The following FREM1 variants were observed in gnomAD, a reference collection of about 807,000 sequenced individuals.
FREM1 encodes FRAS1-related extracellular matrix protein 1.
In FREM1, 220 loss-of-function variants were observed where a neutral mutation model predicts 210.1. The ratio of observed to expected loss-of-function variants is 1.05; its 90% CI spans 0.94 to 1.17. FREM1 has a LOEUF of 1.17. Among genes scored for constraint, FREM1 ranks in the 50% most tolerant of loss-of-function variants. The pLI is 0.00. For synonymous variants in FREM1, 1,189 were observed against 980.2 expected, an observed-to-expected ratio of 1.21 and a Z score of -3.98; for missense variants, 3,454 against 2,675.5, an observed-to-expected ratio of 1.29 and a Z score of -6.42.
At chr9:14,846,670 A>AT (rs1826678426) in intron 7 of FREM1, among the ~76,000 whole-genome samples, 1 of 152,184 alleles carries the variant, frequency 6.6e-6, no homozygotes, top group African/African-American at 2.4e-5. Context: ...TGTAGCTTTT[A>AT]TTTTTAGTAC....
Position 14,748,405 on chromosome 9 carries a change from T to G in FREM1, c.5792A>C (p.Lys1931Thr). The G allele has an allele frequency of 2.5e-6, 4 of 1,589,122 alleles. No individual in the cohort carries two copies. Among genetic ancestry groups the G allele is most frequent in the Non-Finnish European group, 3.5e-6 (4 of 1,157,730 alleles). The change falls in exon 31 of 37, where the codon AAA becomes ACA. Residue 1931 changes from lysine to threonine, a missense_variant. Transcript: ENST00000380880. ...CCAGAAGGTCCCCATCCTTACTGTT[T>G]TGCCATTCCCACGGGTCCTAAGCTT... ...QRKLRTRGNGKTVRPSSVYRN... is the reference protein window; with the variant it reads ...QRKLRTRGNGTTVRPSSVYRN...
intron 22 of FREM1, among the ~76,000 whole-genome samples, chr9:14,791,600 C>A (rs972946278): frequency 1.3e-5 from 2 of 152,156 alleles, no homozygotes; most frequent in African/African-American, 4.8e-5. Flanking sequence ...GGAGGTGGGA[C>A]TGCAGTGGGA....
In FREM1 at chr9:14,784,530, C is replaced by G; in HGVS notation, c.4282G>C (p.Glu1428Gln). ...LAVDGTDKPE[E>Q]LLYVITSPPR... ...GGGGAGGTGATGACATAGAGCAGTT[C>G]CTCAGGCTTGTCTGTTCCGTCCACA... Residue 1428 changes from glutamate to glutamine, a missense_variant, in exon 24 of 37, where the codon GAA becomes CAA. Transcript: ENST00000380880. 1 of 1,613,748 alleles carries G rather than the reference C, an allele frequency of 6.2e-7. No homozygotes were observed. Among genetic ancestry groups the G allele is most frequent in the African/African-American group, 1.3e-5 (1 of 75,034 alleles).
At chr9:14,765,481 A>T (rs990638352) in intron 27 of FREM1, among the ~76,000 whole-genome samples, 1 of 152,216 alleles carries the variant, frequency 6.6e-6, no homozygotes, top group Non-Finnish European at 1.5e-5. Context: ...ATTAGTTAGT[A>T]TGTATAAAGC....
rs1255263125 is a variant in FREM1 at position 14,836,833 on chromosome 9, C to G, written c.1881+4614G>C. Among the ~76,000 whole-genome samples the G allele has an allele frequency of 6.6e-6, 1 of 152,084 alleles. No individual in the cohort carries two copies. The highest frequency in any genetic ancestry group is 1.5e-5 in the Non-Finnish European group (1 of 68,024). ...GGAAGTAGCCAGAAAGAGTCTTCGCCCAAAACCCCCTAACTGCAGTTAGTG... is the reference window on the plus strand; with the variant it reads ...GGAAGTAGCCAGAAAGAGTCTTCGCGCAAAACCCCCTAACTGCAGTTAGTG... On this transcript the variant is annotated intron_variant, in intron 10 of 36. Coordinates refer to ENST00000380880, the MANE Select transcript of FREM1 (RefSeq NM_001379081.2). This position sits in a 1 kb window ranked among gnomAD's most constrained non-coding sequence, Gnocchi z 4.9.
chr9:14,768,382 C>T (rs374140146), intron 27 of FREM1, among the ~76,000 whole-genome samples: 1 of 143,176 alleles, frequency 7.0e-6, no homozygotes, highest in African/African-American at 2.6e-5. Context: ...ATTGCAAGTA[C>T]TTGACATATT....
At chr9:14,809,895 T>C (rs1230251509) in intron 16 of FREM1, among the ~76,000 whole-genome samples, 1 of 152,096 alleles carries the variant, frequency 6.6e-6, no homozygotes, top group African/African-American at 2.4e-5. Flanking sequence ...TGTATGTATG[T>C]ATGTATGTAT....
At position 14,792,972 on chromosome 9, in the gene FREM1, A is replaced by G; in HGVS notation, c.3840-88T>C. 5 of 757,226 alleles carry G rather than the reference A, an allele frequency of 6.6e-6. No homozygotes were observed. The South Asian group carries it at 1.2e-4, about 18-fold the overall frequency. 46.9% of individuals were successfully genotyped at this position (757,226 alleles called of 1,614,324 possible). On this transcript the variant is annotated intron_variant, in intron 21 of 36. Transcript: ENST00000380880. ...CTTATATTGACTATCACAGTTCCCA[A>G]TCTTCAACAATTAAGGAATGACATT...
chr9:14,891,787 G>C (rs781466810), intron 1 of FREM1, among the ~76,000 whole-genome samples: 40 of 152,284 alleles, frequency 2.6e-4, no homozygotes, highest in Admixed American at 1.4e-3. Context: ...CATAGTCAAA[G>C]AATCAACAAG....
At chr9:14,804,465 G>T (rs1398031396) in intron 19 of FREM1, among the ~76,000 whole-genome samples, 1 of 152,176 alleles carries the variant, frequency 6.6e-6, no homozygotes, top group Non-Finnish European at 1.5e-5. Flanking sequence ...GGCACCTGCA[G>T]TCCCAGCTAC....
At chr9:14,861,302 CACAT>C (rs1181838767) in intron 3 of FREM1, among the ~76,000 whole-genome samples, 1 of 109,786 alleles carries the variant, frequency 9.1e-6, no homozygotes. Flanking sequence ...TACATATATA[CACAT>C]ATATACATAT....
chr9:14,752,937 G>A (rs1044147641), intron 29 of FREM1, among the ~76,000 whole-genome samples: 3 of 152,202 alleles, frequency 2.0e-5, no homozygotes, highest in South Asian at 2.1e-4. Context: ...AGGGGTTGGA[G>A]AAAATATCTT....
intron 15 of FREM1, among the ~76,000 whole-genome samples, 177 bp downstream of exon 15, chr9:14,816,601 G>A (rs1820351238): frequency 6.6e-6 from 1 of 152,072 alleles, no homozygotes; most frequent in Admixed American, 6.6e-5. Context: ...CCATCATAGG[G>A]TGATGCAGCA....
intron 24 of FREM1, chr9:14,782,240 T>C (rs1246150059): frequency 1.5e-5 from 5 of 341,188 alleles, no homozygotes; most frequent in Non-Finnish European, 2.1e-5. Context: ...TAGAAATTCC[T>C]GGGATAAATG....
chr9:14,859,747 T>A (rs1206502153), intron 3 of FREM1, among the ~76,000 whole-genome samples: 16 of 152,254 alleles, frequency 1.1e-4, no homozygotes, highest in Admixed American at 1.0e-3. Flanking sequence ...TGCACGTGGA[T>A]ATTTAATGAC....
At chr9:14,880,003 G>A (rs1834504437) in intron 1 of FREM1, among the ~76,000 whole-genome samples, 1 of 152,156 alleles carries the variant, frequency 6.6e-6, no homozygotes, top group Non-Finnish European at 1.5e-5. Flanking sequence ...GGGATTAGGA[G>A]GTAGGGCCTT....
intron 12 of FREM1, 46 bp downstream of exon 12, chr9:14,823,979 G>C: frequency 8.2e-7 from 1 of 1,221,076 alleles, no homozygotes; most frequent in Non-Finnish European, 1.2e-6. Context: ...ACCTTCTAAG[G>C]GCACACTTGC....
In FREM1 at chr9:14,868,939, C is replaced by G. The variant is rs990855151; in HGVS notation, c.39G>C (p.Leu13=). 3 of 1,599,326 alleles carry G rather than the reference C, an allele frequency of 1.9e-6. No homozygotes were observed. The African/African-American group carries it at 4.0e-5, about 21-fold the overall frequency. ...TGGCCCAGGCCAGGAGGAGCAGCAG[C>G]AGCACGGCATTCGCAGCCCCCCAAC... ...SLSWGAANAV[L]LLLLLAWASP... is the part of the protein sequence containing the mutation. Residue 13 remains leucine, a synonymous_variant, in exon 2 of 37, where the codon CTG becomes CTC. Coordinates refer to ENST00000380880, the MANE Select transcript of FREM1 (RefSeq NM_001379081.2).
chr9:14,864,202 C>T (rs111372953), intron 2 of FREM1, among the ~76,000 whole-genome samples: 3 of 152,146 alleles, frequency 2.0e-5, no homozygotes, highest in Admixed American at 2.0e-4. Flanking sequence ...ACCTAGAGTG[C>T]ATTTAAAACA....
Sources: allele counts gnomAD v4.1 joint callset (sites outside exome capture counted in the v4.1 genomes callset), GRCh38; gene constraint gnomAD v4.1.1; non-coding constraint Gnocchi (gnomAD v3.1); transcripts MANE v1.5; gene names NCBI Gene and HGNC (gene_info 2026-07-23, HGNC 2026-07-21).